The following SENP7 variants were observed in gnomAD, a reference collection of about 807,000 sequenced individuals.
The protein encoded by SENP7 is sentrin-specific protease 7.
A neutral mutation model predicts 141.2 loss-of-function variants in SENP7; 64 were observed. The observed-to-expected ratio is 0.45, with a 90% CI of 0.37 to 0.56. SENP7 has a LOEUF of 0.56. Among genes scored for constraint, SENP7 ranks in the 20% least tolerant of loss-of-function variants. The pLI is 0.00. For synonymous variants in SENP7, 382 were observed against 426.4 expected, an observed-to-expected ratio of 0.90 and a Z score of 1.28; for missense variants, 1,025 against 1,212.2, an observed-to-expected ratio of 0.85 and a Z score of 2.29.
chr3:101,503,286 T>C (rs550207599), intron 1 of SENP7, among the ~76,000 whole-genome samples: 1 of 152,358 alleles, frequency 6.6e-6, no homozygotes, highest in African/African-American at 2.4e-5. Context: ...CTGGAACTCA[T>C]ATACTCTTGC....
chr3:101,413,921 T>C (rs1051983074), intron 5 of SENP7, among the ~76,000 whole-genome samples: 1 of 152,126 alleles, frequency 6.6e-6, no homozygotes, highest in East Asian at 1.9e-4. Flanking sequence ...ACTAAGAAGT[T>C]TGAACTTTAT....
At chr3:101,408,304 C>T (rs1272723876) in intron 5 of SENP7, among the ~76,000 whole-genome samples, 1 of 151,420 alleles carries the variant, frequency 6.6e-6, no homozygotes, top group African/African-American at 2.4e-5. Flanking sequence ...TTACCAACAA[C>T]AAAAAAAAGC....
At chr3:101,488,599 T>C (rs2064827871) in intron 3 of SENP7, among the ~76,000 whole-genome samples, 1 of 152,210 alleles carries the variant, frequency 6.6e-6, no homozygotes, top group Non-Finnish European at 1.5e-5. Context: ...CCCAGCACTT[T>C]GGGAGGCCGA....
intron 4 of SENP7, among the ~76,000 whole-genome samples, chr3:101,427,254 C>G (rs1359441951): frequency 6.6e-6 from 1 of 151,890 alleles, no homozygotes; most frequent in African/African-American, 2.4e-5. Context: ...TTGGGGAGAC[C>G]GAGGCAAGAG....
chr3:101,477,710 G>T (rs559446146), intron 3 of SENP7, among the ~76,000 whole-genome samples: 1 of 152,018 alleles, frequency 6.6e-6, no homozygotes, highest in Non-Finnish European at 1.5e-5. Flanking sequence ...AATTAGCTGA[G>T]TGTGGTGGTG....
At chr3:101,496,743 A>G (rs550181470) in intron 2 of SENP7, among the ~76,000 whole-genome samples, 1 of 152,016 alleles carries the variant, frequency 6.6e-6, no homozygotes, top group South Asian at 2.1e-4. Context: ...ATACCCAGCT[A>G]ATTTTTGTAT....
At chr3:101,495,293 C>T (rs1022897290) in intron 2 of SENP7, among the ~76,000 whole-genome samples, 5 of 152,176 alleles carry the variant, frequency 3.3e-5, no homozygotes, top group East Asian at 1.9e-4. Context: ...CACTTTTACA[C>T]CACTGCTGGG....
intron 23 of SENP7, among the ~76,000 whole-genome samples, chr3:101,326,290 G>A (rs1355109788): frequency 1.3e-5 from 2 of 152,020 alleles, no homozygotes; most frequent in Non-Finnish European, 1.5e-5. Context: ...AAGGGTATGA[G>A]AGGGGCAGAA....
intron 10 of SENP7, among the ~76,000 whole-genome samples, chr3:101,363,899 A>G (rs1045488500): frequency 6.6e-6 from 1 of 152,224 alleles, no homozygotes; most frequent in Non-Finnish European, 1.5e-5. Flanking sequence ...TTTCTTACAA[A>G]TAGAATAATC....
rs371355100 is a variant in SENP7 at position 101,328,564 on chromosome 3, C to A, written c.2796-18G>T. 3 of 1,609,998 alleles carry A rather than the reference C, an allele frequency of 1.9e-6. No homozygotes were observed. Among genetic ancestry groups the A allele is most frequent in the Non-Finnish European group, 2.5e-6 (3 of 1,177,032 alleles). ...TACATGGCCTATGAAAAGCAAAGGA[C>A]AAAATCAAGATTTACATACTTGTAT... On this transcript the variant is annotated intron_variant, in intron 21 of 23. Coordinates refer to ENST00000394095, the MANE Select transcript of SENP7 (RefSeq NM_020654.5).
intron 1 of SENP7, among the ~76,000 whole-genome samples, 156 bp from the exon 2 acceptor site, chr3:101,501,275 A>T (rs998552744): frequency 6.6e-6 from 1 of 151,846 alleles, no homozygotes; most frequent in African/African-American, 2.4e-5. Context: ...GGCTAAACAT[A>T]AAAGTCAAAA....
chr3:101,504,276 AC>A (rs1188696578), intron 1 of SENP7, among the ~76,000 whole-genome samples: 6 of 146,830 alleles, frequency 4.1e-5, no homozygotes, highest in Non-Finnish European at 7.5e-5. Context: ...ACATGGGGAA[AC>A]CCGTCTCTAT....
intron 7 of SENP7, among the ~76,000 whole-genome samples, chr3:101,370,707 A>G (rs1324642264): frequency 1.3e-5 from 2 of 152,222 alleles, no homozygotes; most frequent in Non-Finnish European, 2.9e-5. Flanking sequence ...AGAAAAGTAC[A>G]GTTTATAAGA....
intron 5 of SENP7, among the ~76,000 whole-genome samples, chr3:101,407,150 T>C (rs185791561): frequency 9.2e-5 from 14 of 152,208 alleles, no homozygotes; most frequent in Admixed American, 7.9e-4. Flanking sequence ...GCTATTCTTA[T>C]ATCAGACAAA....
rs1200680591 is a variant in SENP7, at chr3:101,357,862, G to A, written c.1623+3853C>T. On this transcript the variant is annotated intron_variant, in intron 11 of 23. Transcript: ENST00000394095. ...AAACGCTACAGATGTGAAGAATCTGGCAAAGCCTTTAAGCTGCCTCTAACC... is the reference window on the plus strand; with the variant it reads ...AAACGCTACAGATGTGAAGAATCTGACAAAGCCTTTAAGCTGCCTCTAACC... 2.0e-5 allele frequency: 11 copies of A among 557,354 alleles called. No homozygotes were observed. In the Middle Eastern group the frequency reaches 1.2e-3, roughly 63 times the overall value. 34.5% of individuals were successfully genotyped at this position (557,354 alleles called of 1,614,324 possible). A position where few individuals can be genotyped will look rare whatever the true frequency, so the allele number is the denominator to read the frequency against.
Position 101,343,766 on chromosome 3 carries a change from G to A in SENP7, c.2026C>T (p.His676Tyr). The A allele has an allele frequency of 1.2e-6, 2 of 1,613,712 alleles. No homozygotes were observed. Among genetic ancestry groups the A allele is most frequent in the Non-Finnish European group, 1.7e-6 (2 of 1,179,770 alleles). ...NLSSKESSFI[H>Y]YYCVSTCSFP... Reference sequence around the variant, plus strand: ...GAACAAGTTGAAACACAGTAATAATGAATAAAAGAACTTTCTTTTGAAGAG... The same window carrying A: ...GAACAAGTTGAAACACAGTAATAATAAATAAAAGAACTTTCTTTTGAAGAG... Residue 676 changes from histidine (H) to tyrosine (Y), a missense_variant, in exon 14 of 24, where the codon CAT becomes TAT. His to Tyr is a moderately conservative substitution (Grantham distance 83, BLOSUM62 2). Transcript: ENST00000394095.
chr3:101,500,838 G>C (rs9290401), intron 2 of SENP7, among the ~76,000 whole-genome samples: 1 of 152,248 alleles, frequency 6.6e-6, no homozygotes, highest in South Asian at 2.1e-4. Context: ...ATGAGCTCTG[G>C]AAAGTATACT....
chr3:101,377,124 C>A (rs1452668548), intron 6 of SENP7, among the ~76,000 whole-genome samples: 1 of 151,824 alleles, frequency 6.6e-6, no homozygotes, highest in African/African-American at 2.4e-5. Flanking sequence ...CTAAGAGCAT[C>A]AAAATAAAAA....
chr3:101,367,394 C>A (rs372330421), intron 8 of SENP7, among the ~76,000 whole-genome samples: 1 of 151,790 alleles, frequency 6.6e-6, no homozygotes, highest in East Asian at 1.9e-4. Context: ...AGAATAAATT[C>A]CCTAAACTCT....
Sources: gnomAD v4.1 joint callset for allele counts (sites outside exome capture counted in the v4.1 genomes callset) on GRCh38, gnomAD v4.1.1 for gene constraint, MANE v1.5 for transcripts, NCBI Gene and HGNC (gene_info 2026-07-23, HGNC 2026-07-21) for gene names.